PARD3B: variants seen among roughly 807,000 people sequenced by gnomAD.
The protein encoded by PARD3B is par-3 family cell polarity regulator beta.
A neutral mutation model predicts 130.2 loss-of-function variants in PARD3B; 103 were observed. The ratio of observed to expected loss-of-function variants is 0.79; its 90% CI spans 0.67 to 0.93. PARD3B has a LOEUF of 0.93. Among genes scored for constraint, PARD3B ranks in the 40% least tolerant of loss-of-function variants. PARD3B has a pLI of 0.00. For synonymous variants in PARD3B, 583 were observed against 553.2 expected, an observed-to-expected ratio of 1.05 and a Z score of -0.76; for missense variants, 1,609 against 1,499.2, an observed-to-expected ratio of 1.07 and a Z score of -1.21.
At position 205,558,913 on chromosome 2, in the gene PARD3B, A is replaced by T. The variant is rs534930864; in HGVS notation, c.3260+5510A>T. On this transcript the variant is annotated intron_variant, in intron 22 of 22. Coordinates refer to ENST00000406610, the MANE Select transcript of PARD3B (RefSeq NM_001302769.2). The surrounding 1 kb of genome is among the most constrained non-coding windows in gnomAD (Gnocchi z 4.8). The stretch of plus-strand genomic sequence containing the variant: ...GTGCCCTAAAAACACCCTGAATTGG[A>T]TTATTCTCCACTGCCCCTTTCCACC... Among the ~76,000 whole-genome samples, 4 of 152,284 alleles carry T rather than the reference A, an allele frequency of 2.6e-5. No homozygotes were observed. In the South Asian group the frequency reaches 8.3e-4, roughly 32 times the overall value.
intron 2 of PARD3B, among the ~76,000 whole-genome samples, chr2:204,946,258 C>T (rs1325009208): frequency 2.0e-5 from 3 of 152,190 alleles, no homozygotes; most frequent in South Asian, 2.1e-4. Context: ...GTACTGAAGA[C>T]GTGTCTCTTG....
At chr2:204,587,264 G>T (rs73057286) in intron 1 of PARD3B, among the ~76,000 whole-genome samples, 1 of 152,040 alleles carries the variant, frequency 6.6e-6, no homozygotes, top group African/African-American at 2.4e-5. Context: ...TTTACAGGAC[G>T]TAAGAAAGAT....
intron 22 of PARD3B, among the ~76,000 whole-genome samples, chr2:205,593,135 T>A (rs1037421511): frequency 3.3e-5 from 5 of 152,244 alleles, no homozygotes; most frequent in African/African-American, 1.2e-4. Flanking sequence ...AGGAGAGCAT[T>A]ATTTTTTTAA....
At chr2:204,563,684 C>T (rs2031489706) in intron 1 of PARD3B, among the ~76,000 whole-genome samples, 1 of 152,146 alleles carries the variant, frequency 6.6e-6, no homozygotes, top group Non-Finnish European at 1.5e-5. Flanking sequence ...TTGGTATCTG[C>T]TTCCTTGTTC....
intron 2 of PARD3B, among the ~76,000 whole-genome samples, chr2:204,916,332 G>A (rs920860075): frequency 1.3e-5 from 2 of 152,028 alleles, no homozygotes; most frequent in African/African-American, 4.8e-5. Context: ...GAACTTTATA[G>A]GTCAATTTTA....
intron 3 of PARD3B, among the ~76,000 whole-genome samples, chr2:205,044,902 G>C (rs562895719): frequency 6.6e-6 from 1 of 152,094 alleles, no homozygotes; most frequent in Non-Finnish European, 1.5e-5. Context: ...TTCTAGGAAG[G>C]GTTGTTTAAA....
Position 205,265,063 on chromosome 2 carries a change from A to T in PARD3B, c.2185+19241A>T, listed in dbSNP as rs2105778701. Among the ~76,000 whole-genome samples, 1 of 142,106 alleles carries T rather than the reference A, an allele frequency of 7.0e-6. No homozygotes were observed. The highest frequency in any genetic ancestry group is 2.6e-5 in the African/African-American group (1 of 38,898). 93.2% of individuals were successfully genotyped at this position (142,106 alleles called of 152,430 possible). A position where few individuals can be genotyped will look rare whatever the true frequency, so the allele number is the denominator to read the frequency against. On this transcript the variant is annotated intron_variant, in intron 16 of 22. Coordinates refer to ENST00000406610, the MANE Select transcript of PARD3B (RefSeq NM_001302769.2). This position sits in a 1 kb window ranked among gnomAD's most constrained non-coding sequence, Gnocchi z 4.3. Reference sequence around the variant, plus strand: ...CTCGGAACAACCAGGGAAAAATATCAACAGCGAAACCGGATAGATGTGGCA... The same window carrying T: ...CTCGGAACAACCAGGGAAAAATATCTACAGCGAAACCGGATAGATGTGGCA...
At chr2:204,745,034 TAA>T (rs2040158067) in intron 2 of PARD3B, among the ~76,000 whole-genome samples, 1 of 151,986 alleles carries the variant, frequency 6.6e-6, no homozygotes. Flanking sequence ...GGGAAGGAAA[TAA>T]AGACAGGAAG....
chr2:204,561,861 T>C, intron 1 of PARD3B, among the ~76,000 whole-genome samples: 1 of 152,080 alleles, frequency 6.6e-6, no homozygotes, highest in East Asian at 1.9e-4. Flanking sequence ...GCTCCCAAAG[T>C]GCTGAGATTA....
rs554401185 is a variant in PARD3B at position 205,165,503 on chromosome 2, A to T, written c.1620+6596A>T. ...GGTTTATGCATATGTTAACTCCTAT[A>T]GTCAGGCTTATTACAATAAGCCTGA... On this transcript the variant is annotated intron_variant, in intron 11 of 22. Transcript: ENST00000406610. Among the ~76,000 whole-genome samples, 25 of 152,228 alleles carry T rather than the reference A, an allele frequency of 1.6e-4. No individual in the cohort carries two copies. The South Asian group carries it at 5.2e-3, about 32-fold the overall frequency.
chr2:205,504,997 C>T (rs1488020555), intron 21 of PARD3B, among the ~76,000 whole-genome samples: 1 of 152,122 alleles, frequency 6.6e-6, no homozygotes, highest in Non-Finnish European at 1.5e-5. Flanking sequence ...AGCCAAATGT[C>T]CAACAATGAT....
chr2:205,570,807 C>A (rs1250232164), intron 22 of PARD3B, among the ~76,000 whole-genome samples: 2 of 152,150 alleles, frequency 1.3e-5, no homozygotes, highest in Non-Finnish European at 2.9e-5. Context: ...AAAATAACAT[C>A]CTGTTCTCAT....
Position 205,011,314 on chromosome 2 carries a change from G to T in PARD3B, c.395-36267G>T, listed in dbSNP as rs1695694121. Among the ~76,000 whole-genome samples, 1 of 152,146 alleles carries T rather than the reference G, an allele frequency of 6.6e-6. No homozygotes were observed. The highest frequency in any genetic ancestry group is 2.1e-4 in the South Asian group (1 of 4,832). On this transcript the variant is annotated intron_variant, in intron 3 of 22. Coordinates refer to ENST00000406610, the MANE Select transcript of PARD3B (RefSeq NM_001302769.2). This position sits in a 1 kb window ranked among gnomAD's most constrained non-coding sequence, Gnocchi z 4.1. Reference sequence around the variant, plus strand: ...AGCCAAGCTGTCATCTCAAGGATGGGTCAGAGGGCTCACTCCTCAGCTCAC... The same window carrying T: ...AGCCAAGCTGTCATCTCAAGGATGGTTCAGAGGGCTCACTCCTCAGCTCAC...
At chr2:205,457,801 G>T (rs901729097) in intron 20 of PARD3B, among the ~76,000 whole-genome samples, 2 of 152,014 alleles carry the variant, frequency 1.3e-5, no homozygotes, top group East Asian at 1.9e-4. Flanking sequence ...GAAGATACAG[G>T]TTGAACATTC....
chr2:204,916,710 T>C (rs939368698), intron 2 of PARD3B, among the ~76,000 whole-genome samples: 3 of 152,032 alleles, frequency 2.0e-5, no homozygotes, highest in African/African-American at 4.8e-5. Flanking sequence ...TATCCATTTG[T>C]TCATGGAGTT....
intron 19 of PARD3B, among the ~76,000 whole-genome samples, chr2:205,425,231 TG>T (rs1324446503): frequency 6.6e-6 from 1 of 152,172 alleles, no homozygotes; most frequent in African/African-American, 2.4e-5. Context: ...CACCTCTCTT[TG>T]GGGCTAATTT....
chr2:204,658,438 C>G (rs1297501642), intron 1 of PARD3B, among the ~76,000 whole-genome samples: 1 of 152,094 alleles, frequency 6.6e-6, no homozygotes, highest in African/African-American at 2.4e-5. Flanking sequence ...GTCTCTTGGT[C>G]TTAGTAAATA....
chr2:204,822,439 T>C (rs1172411414), intron 2 of PARD3B, among the ~76,000 whole-genome samples: 2 of 152,222 alleles, frequency 1.3e-5, no homozygotes, highest in Non-Finnish European at 2.9e-5. Flanking sequence ...TTTCATAAAC[T>C]GAGTTTAGCT....
intron 2 of PARD3B, among the ~76,000 whole-genome samples, chr2:204,955,182 G>A (rs1056345211): frequency 1.1e-4 from 16 of 152,316 alleles, no homozygotes; most frequent in Admixed American, 6.5e-4. Context: ...GTCAGCCATC[G>A]TAGAGAATAC....
Sources: gnomAD v4.1 joint callset for allele counts (sites outside exome capture counted in the v4.1 genomes callset) on GRCh38, gnomAD v4.1.1 for gene constraint, Gnocchi (gnomAD v3.1) non-coding constraint, MANE v1.5 for transcripts, NCBI Gene and HGNC (gene_info 2026-07-23, HGNC 2026-07-21) for gene names.